Variants in CDK14 observed in about 807,000 individuals in gnomAD.
CDK14 encodes cyclin dependent kinase 14, also known as cyclin-dependent kinase 14.
Under a neutral mutation model 60.7 loss-of-function variants are expected in CDK14, and 34 were observed. That is an observed-to-expected ratio of 0.56 (90% confidence interval 0.43 to 0.75). The LOEUF is 0.75. Ranked by LOEUF, CDK14 falls within the 30% of genes least tolerant of loss-of-function variation. The pLI, the probability that CDK14 is intolerant of heterozygous loss-of-function variation, is 0.00. For missense variants in CDK14, 482 were observed against 564.1 expected, an observed-to-expected ratio of 0.85 and a Z score of 1.47; for synonymous variants, 197 against 203.7, an observed-to-expected ratio of 0.97 and a Z score of 0.28.
rs540771284 is a variant in CDK14, at chr7:90,949,195, G to GTTTGT, written c.827-6479_827-6475dup. ...GTGTGTGTGTATAGTTTTTTTATTT[G>GTTTGT]TTTGTTTTGTTTTGTTTTGTTTTGT... is the stretch of plus-strand genomic sequence containing the variant. On this transcript the variant is annotated intron_variant, in intron 8 of 14. Transcript: ENST00000380050. Among the ~76,000 whole-genome samples, 118 of 151,456 alleles carry GTTTGT rather than the reference G, an allele frequency of 7.8e-4. 1 individual carries two copies. Among genetic ancestry groups the GTTTGT allele is most frequent in the African/African-American group, 1.3e-3 (52 of 41,204 alleles).
intron 7 of CDK14, among the ~76,000 whole-genome samples, chr7:90,904,585 GGAAA>G (rs1792632942): frequency 6.6e-6 from 1 of 151,912 alleles, no homozygotes; most frequent in African/African-American, 2.4e-5. Context: ...ATGAAAAATG[GGAAA>G]GAAAGTATCA....
In CDK14 at chr7:90,721,454, T is replaced by G. The variant is rs1472390077; in HGVS notation, c.124-5113T>G. On this transcript the variant is annotated intron_variant, in intron 2 of 14. Transcript: ENST00000380050. ...TTAACCATACTTTTATTTTTCCTTT[T>G]GATGCTCGAATAAATAATCACAGTT... Among the ~76,000 whole-genome samples the G allele has an allele frequency of 6.6e-5, 10 of 152,202 alleles. 1 individual carries two copies. In the South Asian group the frequency reaches 8.3e-4, roughly 13 times the overall value.
chr7:90,954,835 C>T (rs10273814), intron 8 of CDK14, among the ~76,000 whole-genome samples: 19,509 of 20,588 alleles, frequency 0.95, 9,574 homozygotes, highest in South Asian at 1. Context: ...CCGGTTTAGC[C>T]GGGATGGTCT....
chr7:90,625,525 T>C (rs899324966), intron 2 of CDK14, among the ~76,000 whole-genome samples: 2 of 152,362 alleles, frequency 1.3e-5, no homozygotes, highest in Middle Eastern at 6.8e-3. Context: ...GTGTAATTAT[T>C]GATCTCTTAT....
chr7:91,054,130 G>GC (rs1797482704), intron 11 of CDK14, among the ~76,000 whole-genome samples: 1 of 115,472 alleles, frequency 8.7e-6, no homozygotes, highest in Non-Finnish European at 1.6e-5. Context: ...TATACCATGT[G>GC]CTCTGCCTGC....
intron 2 of CDK14, among the ~76,000 whole-genome samples, chr7:90,686,251 AG>A (rs1253680340): frequency 1.3e-5 from 2 of 152,052 alleles, no homozygotes; most frequent in Non-Finnish European, 2.9e-5. Context: ...TAGTTTTTTC[AG>A]TTAACTTCTG....
chr7:90,829,299 C>T (rs1467599510), intron 5 of CDK14, among the ~76,000 whole-genome samples: 3 of 152,154 alleles, frequency 2.0e-5, no homozygotes, highest in Non-Finnish European at 4.4e-5. Context: ...CCAGCAGTCT[C>T]CCAAAGTCTT....
chr7:90,821,242 T>G (rs1258035859), intron 5 of CDK14, among the ~76,000 whole-genome samples: 2 of 152,128 alleles, frequency 1.3e-5, no homozygotes, highest in African/African-American at 4.8e-5. Context: ...GACACAGCTA[T>G]AAGGAAGTGA....
chr7:90,911,629 T>A (rs1267724717), intron 7 of CDK14, among the ~76,000 whole-genome samples: 2 of 150,626 alleles, frequency 1.3e-5, no homozygotes, highest in Non-Finnish European at 3.0e-5. Context: ...TTTCTGACCA[T>A]TCATGGAGCA....
At chr7:91,010,829 C>CTTCCTTCCTTCCTTCCTTCT (rs1199154651) in intron 10 of CDK14, among the ~76,000 whole-genome samples, 1,213 of 74,790 alleles carry the variant, frequency 0.016, 28 homozygotes, top group African/African-American at 0.059. Flanking sequence ...TCCTTCCTTC[C>CTTCCTTCCTTCCTTCCTTCT]TTCCTCCCTC....
intron 5 of CDK14, among the ~76,000 whole-genome samples, chr7:90,850,013 T>C (rs1420471004): frequency 6.6e-6 from 1 of 152,056 alleles, no homozygotes; most frequent in Non-Finnish European, 1.5e-5. Flanking sequence ...AATAAAATAA[T>C]GCCTTTTTAG....
intron 2 of CDK14, among the ~76,000 whole-genome samples, chr7:90,625,868 A>G (rs1455278229): frequency 6.6e-6 from 1 of 152,220 alleles, no homozygotes; most frequent in African/African-American, 2.4e-5. Flanking sequence ...TCCCAAACTG[A>G]ATCTGACCCA....
intron 2 of CDK14, among the ~76,000 whole-genome samples, chr7:90,717,869 G>A (rs1461379874): frequency 2.0e-5 from 3 of 152,016 alleles, no homozygotes; most frequent in African/African-American, 7.2e-5. Context: ...TGTGCTCAAG[G>A]TGTTTACACT....
At chr7:90,963,486 G>A (rs1010359552) in intron 9 of CDK14, among the ~76,000 whole-genome samples, 2 of 151,876 alleles carry the variant, frequency 1.3e-5, no homozygotes, top group Admixed American at 6.6e-5. Context: ...ATGTGCACTG[G>A]TGCTTTCGTG....
intron 7 of CDK14, among the ~76,000 whole-genome samples, chr7:90,905,344 A>G (rs1792660997): frequency 6.6e-6 from 1 of 152,224 alleles, no homozygotes; most frequent in Non-Finnish European, 1.5e-5. Flanking sequence ...GGCCACAAAG[A>G]AAACCAAACA....
At chr7:90,800,911 A>G (rs1010581673) in intron 5 of CDK14, among the ~76,000 whole-genome samples, 1 of 152,182 alleles carries the variant, frequency 6.6e-6, no homozygotes, top group Non-Finnish European at 1.5e-5. Context: ...GCTTATCGTT[A>G]CATCACTTCG....
At chr7:90,731,804 C>T (rs1042013655) in intron 3 of CDK14, among the ~76,000 whole-genome samples, 1 of 152,162 alleles carries the variant, frequency 6.6e-6, no homozygotes, top group African/African-American at 2.4e-5. Context: ...ATTTGACTTC[C>T]TGTTTTCCTA....
At chr7:91,010,855 C>CCTTCTTT (rs1796139633) in intron 10 of CDK14, among the ~76,000 whole-genome samples, 1 of 115,260 alleles carries the variant, frequency 8.7e-6, no homozygotes, top group African/African-American at 3.3e-5. Flanking sequence ...CTCCCTCCCT[C>CCTTCTTT]CCTCCCTCCC....
At chr7:90,601,035 C>T (rs1038089262) in intron 1 of CDK14, among the ~76,000 whole-genome samples, 3 of 152,160 alleles carry the variant, frequency 2.0e-5, no homozygotes, top group Admixed American at 6.5e-5. Context: ...TGAAGATTAG[C>T]GAAATTTGCT....
Sources: allele counts gnomAD v4.1 joint callset (sites outside exome capture counted in the v4.1 genomes callset), GRCh38; gene constraint gnomAD v4.1.1; transcripts MANE v1.5; gene names NCBI Gene and HGNC (gene_info 2026-07-23, HGNC 2026-07-21).